Variants in CD5 observed in about 807,000 individuals in gnomAD.
The protein encoded by CD5 is T-cell surface glycoprotein CD5.
Under a neutral mutation model 60.3 loss-of-function variants are expected in CD5, and 36 were observed. The ratio of observed to expected loss-of-function variants is 0.60; its 90% CI spans 0.46 to 0.79. The LOEUF (loss-of-function observed/expected upper bound fraction) is 0.79, where lower values mean the gene tolerates loss of function less well. CD5 is among the 30% of genes least tolerant of loss of function. The pLI is 0.00. For missense variants in CD5, 540 were observed against 630.6 expected, an observed-to-expected ratio of 0.86 and a Z score of 1.54; for synonymous variants, 230 against 257.6, an observed-to-expected ratio of 0.89 and a Z score of 1.03.
At chr11:61,121,929 G>C in intron 6 of CD5, 25 bp downstream of exon 6, 1 of 1,504,700 alleles carries the variant, frequency 6.6e-7, no homozygotes, top group Non-Finnish European at 8.9e-7. Context: ...GCCCACAGTG[G>C]GTGGAAGCAG....
chr11:61,122,487 GTGGATGGATGGA>G (rs377071919), intron 6 of CD5, among the ~76,000 whole-genome samples: 2 of 150,110 alleles, frequency 1.3e-5, no homozygotes, highest in Non-Finnish European at 3.0e-5. Flanking sequence ...GGATGGGTGA[GTGGATGGATGGA>G]TGGATGGATG....
Position 61,102,620 on chromosome 11 carries a change from G to A in CD5, c.55+5G>A, listed in dbSNP as rs373022170. 44 of 1,585,100 alleles carry A rather than the reference G, an allele frequency of 2.8e-5. No individual in the cohort carries two copies. Among genetic ancestry groups the A allele is most frequent in the Non-Finnish European group, 3.7e-5 (43 of 1,164,910 alleles). ...TGTACCTGCTGGGGATGCTGGGTGA[G>A]TACCCCTCCCAGGTGTCCTGCGAAC... On this transcript the variant is annotated splice_donor_5th_base_variant and intron_variant, in intron 1 of 10. Transcript: ENST00000347785.
At chr11:61,101,291 C>A (rs1335973585), upstream of CD5, among the ~76,000 whole-genome samples, 1 of 114,198 alleles carries the variant, frequency 8.8e-6, no homozygotes, top group Admixed American at 9.6e-5. Context: ...ATGGAGATCA[C>A]ACACACACAT....
intron 1 of CD5, among the ~76,000 whole-genome samples, chr11:61,108,202 C>T (rs1860802773): frequency 6.6e-6 from 1 of 152,210 alleles, no homozygotes; most frequent in African/African-American, 2.4e-5. Flanking sequence ...AAACCAAAGC[C>T]TTGTCTCTGT....
chr11:61,116,898 CCACA>C (rs1174999662), intron 2 of CD5, among the ~76,000 whole-genome samples: 1 of 151,530 alleles, frequency 6.6e-6, no homozygotes, highest in Non-Finnish European at 1.5e-5. Context: ...GACACACACA[CCACA>C]CACACACATA....
In CD5 at chr11:61,119,448, G is replaced by A. The variant is rs760375390; in HGVS notation, c.678G>A (p.Glu226=). 1.2e-6 allele frequency: 2 copies of A among 1,614,208 alleles called. No individual in the cohort carries two copies. The highest frequency in any genetic ancestry group is 8.5e-7 in the Non-Finnish European group (1 of 1,180,030). The change falls in exon 5 of 11, where the codon GAG becomes GAA. Residue 226 remains glutamate, a synonymous_variant. Coordinates refer to ENST00000347785, the MANE Select transcript of CD5 (RefSeq NM_014207.4). Reference sequence around the variant, plus strand: ...CAGGCAGAGCCCAAGACCCAGGGGAGCCACGGGAACACCAGCCCTTGCCAA... The same window carrying A: ...CAGGCAGAGCCCAAGACCCAGGGGAACCACGGGAACACCAGCCCTTGCCAA... The part of the protein sequence containing the change: ...TEAGRAQDPG[E]PREHQPLPIQ...
rs756428554 is a variant in CD5 at position 61,124,973 on chromosome 11, G to A, written c.1280-59G>A. The A allele has an allele frequency of 4.8e-5, 77 of 1,608,754 alleles. 1 individual carries two copies. Among genetic ancestry groups the A allele is most frequent in the Non-Finnish European group, 5.4e-5 (63 of 1,176,108 alleles). ...GAGATTAAAGTTCTGGGCACCTGCT[G>A]GGGAAGGAGACGGAGGACACAGCCA... On this transcript the variant is annotated intron_variant, in intron 8 of 10. Coordinates refer to ENST00000347785, the MANE Select transcript of CD5 (RefSeq NM_014207.4).
chr11:61,125,681 G>A lies in CD5; in HGVS notation c.1400-70G>A, dbSNP rs531694878. Reference sequence around the variant, plus strand: ...GTGATCTTCCAACCCACTGTGGGCAGCGGCTCTAGGATCCAAGGGGCTCTG... The same window carrying A: ...GTGATCTTCCAACCCACTGTGGGCAACGGCTCTAGGATCCAAGGGGCTCTG... On this transcript the variant is annotated intron_variant, in intron 9 of 10. Coordinates refer to ENST00000347785, the MANE Select transcript of CD5 (RefSeq NM_014207.4). 3.4e-5 allele frequency: 36 copies of A among 1,060,176 alleles called. No homozygotes were observed. The Middle Eastern group carries it at 6.3e-4, about 19-fold the overall frequency. 65.7% of individuals were successfully genotyped at this position (1,060,176 alleles called of 1,614,324 possible). A position where few individuals can be genotyped will look rare whatever the true frequency, so the allele number is the denominator to read the frequency against.
At chr11:61,113,588 C>T (rs1860890808) in intron 1 of CD5, among the ~76,000 whole-genome samples, 1 of 152,242 alleles carries the variant, frequency 6.6e-6, no homozygotes, top group Admixed American at 6.5e-5. Flanking sequence ...AGATAAGTGG[C>T]TGTCATTCTT....
intron 7 of CD5, among the ~76,000 whole-genome samples, 193 bp from the exon 8 acceptor site, chr11:61,123,683 GATGGCTGC>G (rs1405773320): frequency 6.6e-6 from 1 of 152,072 alleles, no homozygotes; most frequent in African/African-American, 2.4e-5. Flanking sequence ...TTCGGCACAG[GATGGCTGC>G]AATTCCCTTC....
chr11:61,105,741 A>C (rs1252590512), intron 1 of CD5, among the ~76,000 whole-genome samples: 1 of 152,172 alleles, frequency 6.6e-6, no homozygotes, highest in Non-Finnish European at 1.5e-5. Flanking sequence ...AGCTCTGTGC[A>C]AAACACTGGG....
chr11:61,100,874 TCA>T (rs1189872017), upstream of CD5, among the ~76,000 whole-genome samples: 3 of 107,034 alleles, frequency 2.8e-5, no homozygotes, highest in Non-Finnish European at 5.7e-5. Context: ...AACATGGAGA[TCA>T]CACACACATC....
intron 1 of CD5, among the ~76,000 whole-genome samples, chr11:61,104,839 G>A (rs2134592512): frequency 6.6e-6 from 1 of 152,348 alleles, no homozygotes; most frequent in Non-Finnish European, 1.5e-5. Flanking sequence ...GCAGCAGCTG[G>A]TGCACAGCCG....
In CD5 at chr11:61,123,890, A is replaced by G. The variant is rs780696849; in HGVS notation, c.1232A>G (p.Gln411Arg). ...TTTCTTGTCTCTTGCCCAGTCCGCC[A>G]GAAGAAGCAGCGCCAGTGGATTGGC... ...AYKKLVKKFR[Q>R]KKQRQWIGPT... is the part of the protein sequence containing the mutation. The change falls in exon 8 of 11, where the codon CAG (glutamine) becomes CGG (arginine). Residue 411 changes from glutamine to arginine, a missense_variant. Physicochemically the swap from Gln to Arg is conservative, Grantham distance 43. Coordinates refer to ENST00000347785, the MANE Select transcript of CD5 (RefSeq NM_014207.4). 1 of 1,389,344 alleles carries G rather than the reference A, an allele frequency of 7.2e-7. No homozygotes were observed. Among genetic ancestry groups the G allele is most frequent in the South Asian group, 1.1e-5 (1 of 88,164 alleles). The allele number at this position is 1,389,344 out of a possible 1,614,324, so 86.1% of individuals were successfully genotyped here.
intron 5 of CD5, among the ~76,000 whole-genome samples, 189 bp downstream of exon 5, chr11:61,119,764 T>TG (rs1861028397): frequency 6.6e-6 from 1 of 152,108 alleles, no homozygotes; most frequent in Non-Finnish European, 1.5e-5. Flanking sequence ...CCACACTCAA[T>TG]GCCTTGGTAA....
chr11:61,096,121 T>A, the CD5 span, among the ~76,000 whole-genome samples: 1 of 152,230 alleles, frequency 6.6e-6, no homozygotes, highest in Non-Finnish European at 1.5e-5. Flanking sequence ...ATTATGGGAA[T>A]TCCCCCGAAA....
chr11:61,097,160 C>T, the CD5 span, among the ~76,000 whole-genome samples: 1 of 152,090 alleles, frequency 6.6e-6, no homozygotes, highest in Non-Finnish European at 1.5e-5. Context: ...TGCAATTAGC[C>T]GAGCACGTAG....
upstream of CD5, among the ~76,000 whole-genome samples, chr11:61,098,684 C>A (rs1022547089): frequency 6.6e-6 from 1 of 152,226 alleles, no homozygotes; most frequent in Non-Finnish European, 1.5e-5. Flanking sequence ...CTCAAGCAGA[C>A]TCCCTTAGAG....
In CD5 at chr11:61,110,886, T is replaced by G. The variant is rs558140588; in HGVS notation, c.56-4170T>G. Among the ~76,000 whole-genome samples the G allele has an allele frequency of 1.0e-3, 159 of 152,172 alleles. 2 individuals carry two copies. Among genetic ancestry groups the G allele is most frequent in the African/African-American group, 3.7e-3 (154 of 41,520 alleles). ...GTGACAGTGATGGTGATGATGATGG[T>G]GACGGTGATGGTGATGATGATGGTG... On this transcript the variant is annotated intron_variant, in intron 1 of 10. Coordinates refer to ENST00000347785, the MANE Select transcript of CD5 (RefSeq NM_014207.4).
Sources: allele counts gnomAD v4.1 joint callset (sites outside exome capture counted in the v4.1 genomes callset), GRCh38; gene constraint gnomAD v4.1.1; transcripts MANE v1.5; gene names NCBI Gene and HGNC (gene_info 2026-07-23, HGNC 2026-07-21).